The following DNAH7 variants were observed in gnomAD, a reference collection of about 807,000 sequenced individuals.
The protein encoded by DNAH7 is axonemal beta dynein heavy chain 7.
A neutral mutation model predicts 444.6 loss-of-function variants in DNAH7; 397 were observed. The observed-to-expected ratio is 0.89, with a 90% CI of 0.82 to 0.97. The LOEUF (loss-of-function observed/expected upper bound fraction) is 0.97, where lower values mean the gene tolerates loss of function less well. Ranked by LOEUF, DNAH7 falls within the 50% of genes least tolerant of loss-of-function variation. DNAH7 has a pLI of 0.00. For missense variants in DNAH7, 4,902 were observed against 4,800.8 expected (o/e 1.02, Z -0.62); for synonymous variants, 1,636 against 1,624.4 (o/e 1.01, Z -0.17).
rs1459798979 is a variant in DNAH7, at chr2:195,926,508, T to C, written c.3530A>G (p.Asp1177Gly). 1.9e-6 allele frequency: 3 copies of C among 1,605,926 alleles called. No homozygotes were observed. Among genetic ancestry groups the C allele is most frequent in the Middle Eastern group, 1.7e-4 (1 of 6,032 alleles). The change falls in exon 22 of 65, where the codon GAT (aspartate) becomes GGT (glycine). Residue 1177 changes from aspartate to glycine, a missense_variant. By Grantham distance (94) the Asp-to-Gly change is moderately conservative. Transcript: ENST00000312428. ...TKYERINWVRDWPGQTVLCVS... is the reference protein window; with the variant it reads ...TKYERINWVRGWPGQTVLCVS... The stretch of plus-strand genomic sequence containing the variant: ...ACAGAGAACAGTCTGTCCAGGCCAA[T>C]CCCTTACCCAGTTAATTCGTTCATA...
chr2:195,907,243 T>G (rs79222922), intron 25 of DNAH7, among the ~76,000 whole-genome samples: 1 of 150,822 alleles, frequency 6.6e-6, no homozygotes, highest in Non-Finnish European at 1.5e-5. Flanking sequence ...CTTTCTGCAT[T>G]TTTTTTTTAG....
intron 12 of DNAH7, among the ~76,000 whole-genome samples, chr2:195,992,970 T>C (rs114179652): frequency 0.018 from 2,732 of 152,292 alleles, 76 homozygotes; most frequent in African/African-American, 0.062. Context: ...GAGCCCCCTG[T>C]TCCTGCCAGC....
At chr2:196,045,587 T>G (rs1272467992) in intron 5 of DNAH7, among the ~76,000 whole-genome samples, 1 of 152,016 alleles carries the variant, frequency 6.6e-6, no homozygotes, top group Non-Finnish European at 1.5e-5. Context: ...AACTGAAATA[T>G]TAAACAATAA....
Position 195,960,963 on chromosome 2 carries a change from G to A in DNAH7, c.2206-18C>T. The A allele has an allele frequency of 6.7e-7, 1 of 1,489,170 alleles. No individual in the cohort carries two copies. Among genetic ancestry groups the A allele is most frequent in the Non-Finnish European group, 8.9e-7 (1 of 1,117,874 alleles). The allele number at this position is 1,489,170 out of a possible 1,614,324, so 92.2% of individuals were successfully genotyped here. On this transcript the variant is annotated intron_variant, in intron 17 of 64. Coordinates refer to ENST00000312428, the MANE Select transcript of DNAH7 (RefSeq NM_018897.3). ...TGCTCAATCTGAAAGGATAAGTATT[G>A]AATATATTAGTTATTTTGAAAGTGA...
At chr2:196,001,372 C>CTTTT (rs5837487) in intron 11 of DNAH7, among the ~76,000 whole-genome samples, 34,482 of 148,912 alleles carry the variant, frequency 0.23, 6,873 homozygotes, top group African/African-American at 0.54. Context: ...GACATTAACT[C>CTTTT]TTTTTTTTTT....
chr2:196,061,477 C>T (rs1247418453), intron 1 of DNAH7, among the ~76,000 whole-genome samples: 1 of 152,132 alleles, frequency 6.6e-6, no homozygotes, highest in Non-Finnish European at 1.5e-5. Context: ...AGAACTTCCC[C>T]ATATTTTCTT....
chr2:196,040,426 A>G (rs1696666082), intron 5 of DNAH7, among the ~76,000 whole-genome samples: 1 of 152,180 alleles, frequency 6.6e-6, no homozygotes, highest in Non-Finnish European at 1.5e-5. Flanking sequence ...TTCAACATTC[A>G]TAAATCAATA....
intron 20 of DNAH7, 93 bp from the exon 21 acceptor site, chr2:195,934,882 G>A: frequency 7.3e-7 from 1 of 1,362,094 alleles, no homozygotes; most frequent in East Asian, 2.4e-5. Flanking sequence ...AATGCTAGGT[G>A]CTGCTGGGAA....
At chr2:196,057,632 G>T (rs1370253044) in intron 2 of DNAH7, among the ~76,000 whole-genome samples, 1 of 152,066 alleles carries the variant, frequency 6.6e-6, no homozygotes, top group Non-Finnish European at 1.5e-5. Context: ...AAAACATTAG[G>T]AATCAACTCT....
At chr2:195,741,119 G>T (rs557532787) in intron 63 of DNAH7, 158 of 201,638 alleles carry the variant, frequency 7.8e-4, no homozygotes, top group Non-Finnish European at 1.4e-3. Flanking sequence ...ATTTTAAACA[G>T]GTCTATGGGA....
At chr2:195,927,820 G>GT (rs1688440665) in intron 21 of DNAH7, among the ~76,000 whole-genome samples, 1 of 151,890 alleles carries the variant, frequency 6.6e-6, no homozygotes, top group African/African-American at 2.4e-5. Context: ...GCACAACACA[G>GT]TAACACACAT....
At chr2:195,912,757 A>G (rs1687437312) in intron 24 of DNAH7, among the ~76,000 whole-genome samples, 2 of 152,190 alleles carry the variant, frequency 1.3e-5, no homozygotes, top group Non-Finnish European at 2.9e-5. Flanking sequence ...ATATAAACCT[A>G]CTTCTTTCTG....
chr2:195,900,220 AC>A, intron 28 of DNAH7, 61 bp downstream of exon 28: 1 of 1,510,818 alleles, frequency 6.6e-7, no homozygotes, highest in Non-Finnish European at 9.2e-7. Flanking sequence ...TTCTCTGAAG[AC>A]CCATTAGGCT....
intron 19 of DNAH7, among the ~76,000 whole-genome samples, chr2:195,952,040 A>G (rs1690295004): frequency 6.6e-6 from 1 of 152,088 alleles, no homozygotes; most frequent in African/African-American, 2.4e-5. Context: ...GATCTTTACA[A>G]TTTGGTATGT....
chr2:195,875,874 A>G (rs201387745), intron 37 of DNAH7, 31 bp from the exon 38 acceptor site: 671 of 1,571,780 alleles, frequency 4.3e-4, no homozygotes, highest in Non-Finnish European at 5.5e-4. Context: ...GGTACAGAAA[A>G]TATTAACATC....
At chr2:195,929,033 T>C (rs1343228683) in intron 21 of DNAH7, among the ~76,000 whole-genome samples, 1 of 152,126 alleles carries the variant, frequency 6.6e-6, no homozygotes, top group Non-Finnish European at 1.5e-5. Flanking sequence ...AGTTTCAGGA[T>C]ATAAAATCAA....
intron 5 of DNAH7, among the ~76,000 whole-genome samples, chr2:196,028,661 G>T (rs920063174): frequency 6.6e-6 from 1 of 152,142 alleles, no homozygotes; most frequent in Non-Finnish European, 1.5e-5. Flanking sequence ...GGGCTGCACT[G>T]GGCAGAAAGG....
chr2:195,886,217 T>C lies in DNAH7; in HGVS notation c.5462A>G (p.Asp1821Gly), dbSNP rs1375192874. ...ATCAGCAAAATCATCCATAAAACAG[T>C]CTATTAGATTCATTAAGGACCGGAC... ...NLVRSLMNLIDCFMDDFADEV... is the reference protein window; with the variant it reads ...NLVRSLMNLIGCFMDDFADEV... The change falls in exon 34 of 65, where the codon GAC (aspartate) becomes GGC (glycine). Residue 1821 changes from aspartate (D) to glycine (G), a missense_variant. Physicochemically the swap from Asp to Gly is moderately conservative, Grantham distance 94. Transcript: ENST00000312428. 1 of 1,613,838 alleles carries C rather than the reference T, an allele frequency of 6.2e-7. No individual in the cohort carries two copies. The highest frequency in any genetic ancestry group is 8.5e-7 in the Non-Finnish European group (1 of 1,179,882).
At chr2:196,058,947 A>C (rs1697982472) in intron 1 of DNAH7, among the ~76,000 whole-genome samples, 1 of 152,258 alleles carries the variant, frequency 6.6e-6, no homozygotes, top group South Asian at 2.1e-4. Flanking sequence ...AACTACAGTA[A>C]TAAAGACTGC....
Sources: allele counts gnomAD v4.1 joint callset (sites outside exome capture counted in the v4.1 genomes callset), GRCh38; gene constraint gnomAD v4.1.1; transcripts MANE v1.5; gene names NCBI Gene and HGNC (gene_info 2026-07-23, HGNC 2026-07-21).